ATRNL1: variants seen among roughly 807,000 people sequenced by gnomAD.
ATRNL1 encodes the protein attractin-like protein 1.
ATRNL1 carries 95 observed loss-of-function variants against 182.7 expected under a neutral mutation model. That is an observed-to-expected ratio of 0.52 (90% CI 0.44 to 0.62). The LOEUF is 0.62. Among genes scored for constraint, ATRNL1 ranks in the 20% least tolerant of loss-of-function variants. The pLI, the probability that ATRNL1 is intolerant of heterozygous loss-of-function variation, is 0.00. For synonymous variants in ATRNL1, 576 were observed against 568.3 expected (o/e 1.01, Z -0.19); for missense variants, 1,471 against 1,679.5 (o/e 0.88, Z 2.17).
intron 25 of ATRNL1, among the ~76,000 whole-genome samples, chr10:115,529,040 G>A (rs1554987465): frequency 6.6e-6 from 1 of 151,888 alleles, no homozygotes; most frequent in East Asian, 1.9e-4. Context: ...CATATATTCT[G>A]TCCTGGAGAA....
chr10:115,620,359 A>G (rs1857663851), intron 26 of ATRNL1, among the ~76,000 whole-genome samples: 1 of 152,202 alleles, frequency 6.6e-6, no homozygotes, highest in African/African-American at 2.4e-5. Context: ...CCAACACTGG[A>G]AAATCACATT....
At chr10:115,205,786 A>G (rs782500606) in intron 8 of ATRNL1, among the ~76,000 whole-genome samples, 1 of 152,022 alleles carries the variant, frequency 6.6e-6, no homozygotes, top group Non-Finnish European at 1.5e-5. Context: ...CATTTCTTGT[A>G]TATTTCATCT....
intron 26 of ATRNL1, among the ~76,000 whole-genome samples, chr10:115,724,621 G>T (rs1947537994): frequency 6.6e-6 from 1 of 152,026 alleles, no homozygotes; most frequent in African/African-American, 2.4e-5. Flanking sequence ...TCCAATTGCT[G>T]GTAAGTTCAA....
chr10:115,855,544 T>C (rs758820162), intron 28 of ATRNL1, among the ~76,000 whole-genome samples: 4 of 152,204 alleles, frequency 2.6e-5, no homozygotes, highest in South Asian at 2.1e-4. Context: ...AATAGTTGCT[T>C]GATAAATATT....
chr10:115,348,173 A>G (rs1856062883), intron 19 of ATRNL1, among the ~76,000 whole-genome samples: 1 of 152,136 alleles, frequency 6.6e-6, no homozygotes, highest in Admixed American at 6.5e-5. Flanking sequence ...GGGGTTTCAC[A>G]TGTTGGCCAG....
At chr10:115,653,120 T>G (rs1045978843) in intron 26 of ATRNL1, among the ~76,000 whole-genome samples, 1 of 152,212 alleles carries the variant, frequency 6.6e-6, no homozygotes, top group African/African-American at 2.4e-5. Flanking sequence ...GTAAAACCCT[T>G]CAGATTTATG....
intron 28 of ATRNL1, among the ~76,000 whole-genome samples, chr10:115,913,677 C>A (rs1161933237): frequency 6.6e-6 from 1 of 152,174 alleles, no homozygotes; most frequent in African/African-American, 2.4e-5. Context: ...CAGCACTGCT[C>A]ACATGTTCTA....
intron 12 of ATRNL1, among the ~76,000 whole-genome samples, chr10:115,267,580 A>T (rs1554911272): frequency 1.3e-5 from 2 of 151,984 alleles, no homozygotes; most frequent in Admixed American, 1.3e-4. Context: ...GTTTTTATAC[A>T]TTTTTGCGGT....
At chr10:115,718,847 G>A (rs1339483624) in intron 26 of ATRNL1, among the ~76,000 whole-genome samples, 1 of 152,202 alleles carries the variant, frequency 6.6e-6, no homozygotes, top group African/African-American at 2.4e-5. Context: ...CTATCTGCCA[G>A]CTGCCTGCTT....
At chr10:115,239,179 A>G (rs192830968) in intron 9 of ATRNL1, among the ~76,000 whole-genome samples, 1 of 138,616 alleles carries the variant, frequency 7.2e-6, no homozygotes, top group African/African-American at 2.8e-5. Flanking sequence ...CCACTAGATT[A>G]TAGTATTTTC....
At chr10:115,235,653 G>A (rs1325167549) in intron 9 of ATRNL1, among the ~76,000 whole-genome samples, 2 of 151,886 alleles carry the variant, frequency 1.3e-5, no homozygotes, top group Non-Finnish European at 2.9e-5. Context: ...TAGACATTTG[G>A]GTTGTTTTCA....
intron 10 of ATRNL1, among the ~76,000 whole-genome samples, chr10:115,255,562 ATG>A (rs1554906560): frequency 6.6e-6 from 1 of 152,206 alleles, no homozygotes; most frequent in African/African-American, 2.4e-5. Context: ...TTTTCTAAAT[ATG>A]CAATCATGTC....
intron 24 of ATRNL1, among the ~76,000 whole-genome samples, chr10:115,500,768 C>T (rs577315800): frequency 7.3e-5 from 11 of 151,686 alleles, no homozygotes; most frequent in South Asian, 4.2e-4. Flanking sequence ...CTCGAACTCC[C>T]GACCTCAGGT....
At chr10:115,148,560 G>A (rs1445775006) in intron 5 of ATRNL1, among the ~76,000 whole-genome samples, 1 of 152,070 alleles carries the variant, frequency 6.6e-6, no homozygotes, top group African/African-American at 2.4e-5. Context: ...ATTTGGTATT[G>A]AAGTGGCATC....
chr10:115,698,379 G>T (rs574258305), intron 26 of ATRNL1, among the ~76,000 whole-genome samples: 10 of 152,096 alleles, frequency 6.6e-5, no homozygotes, highest in Admixed American at 2.6e-4. Flanking sequence ...TACAAATAAG[G>T]ACAGGGGAAA....
At chr10:115,194,794 G>A (rs1554890634) in intron 8 of ATRNL1, among the ~76,000 whole-genome samples, 1 of 151,236 alleles carries the variant, frequency 6.6e-6, no homozygotes, top group East Asian at 1.9e-4. Flanking sequence ...TTGTATAAAA[G>A]TGATTTTTTT....
chr10:115,814,583 G>A (rs1950119392), intron 27 of ATRNL1, among the ~76,000 whole-genome samples: 1 of 152,134 alleles, frequency 6.6e-6, no homozygotes, highest in African/African-American at 2.4e-5. Flanking sequence ...ATGAGCGATT[G>A]CTCACTGGAC....
At chr10:115,849,874 C>T (rs1447387996) in intron 28 of ATRNL1, among the ~76,000 whole-genome samples, 1 of 152,066 alleles carries the variant, frequency 6.6e-6, no homozygotes, top group African/African-American at 2.4e-5. Flanking sequence ...AATCAACAGC[C>T]CATGTCTTTA....
intron 24 of ATRNL1, among the ~76,000 whole-genome samples, chr10:115,500,164 A>G (rs562941384): frequency 1.3e-5 from 2 of 152,326 alleles, no homozygotes; most frequent in South Asian, 2.1e-4. Flanking sequence ...GTAGGCATGT[A>G]TGAATGTGGC....
Sources: gnomAD v4.1 joint callset for allele counts (sites outside exome capture counted in the v4.1 genomes callset) on GRCh38, gnomAD v4.1.1 for gene constraint, MANE v1.5 for transcripts, NCBI Gene and HGNC (gene_info 2026-07-23, HGNC 2026-07-21) for gene names.